TNFSF4: variants seen among roughly 807,000 people sequenced by gnomAD.
TNFSF4 encodes the protein tumor necrosis factor ligand superfamily member 4.
A neutral mutation model predicts 7.3 loss-of-function variants in TNFSF4; 4 were observed. That is an observed-to-expected ratio of 0.55 (90% confidence interval 0.27 to 1.25). The LOEUF (loss-of-function observed/expected upper bound fraction) is 1.25, where lower values mean the gene tolerates loss of function less well. Among genes scored for constraint, TNFSF4 ranks in the 50% most tolerant of loss-of-function variants. The pLI, the probability that TNFSF4 is intolerant of heterozygous loss-of-function variation, is 0.12. For synonymous variants in TNFSF4, 76 were observed against 83.7 expected (o/e 0.91, Z 0.50); for missense variants, 181 against 208.8 (o/e 0.87, Z 0.82).
chr1:173,326,902 T>C, the TNFSF4 span, among the ~76,000 whole-genome samples: 3,287 of 152,294 alleles, frequency 0.022, 57 homozygotes, highest in South Asian at 0.055. Context: ...TCCATACTCA[T>C]GGGTAGGAAG....
chr1:173,321,943 A>G, the TNFSF4 span, among the ~76,000 whole-genome samples: 1 of 152,230 alleles, frequency 6.6e-6, no homozygotes, highest in Admixed American at 6.5e-5. Context: ...ATACCATTTG[A>G]CCCAACAATC....
At chr1:173,380,450 C>T in the TNFSF4 span, among the ~76,000 whole-genome samples, 8 of 152,222 alleles carry the variant, frequency 5.3e-5, no homozygotes, top group Admixed American at 2.6e-4. Context: ...AACTTCAAGC[C>T]CCAGCTGATC....
At chr1:173,176,205 T>C in the TNFSF4 span, among the ~76,000 whole-genome samples, 2 of 152,118 alleles carry the variant, frequency 1.3e-5, no homozygotes, top group African/African-American at 4.8e-5. Context: ...ACTAACTACC[T>C]TCAGAAAACA....
At chr1:173,399,561 A>C in the TNFSF4 span, among the ~76,000 whole-genome samples, 2 of 152,184 alleles carry the variant, frequency 1.3e-5, no homozygotes, top group Non-Finnish European at 2.9e-5. Flanking sequence ...AAAATTGATG[A>C]CAAAGAAATT....
chr1:173,197,741 A>T (rs1242421454), intron 1 of TNFSF4, among the ~76,000 whole-genome samples: 1 of 152,208 alleles, frequency 6.6e-6, no homozygotes, highest in Non-Finnish European at 1.5e-5. Context: ...CTTAACACCT[A>T]GGTGATGGTT....
At chr1:173,200,920 G>C (rs1571200311) in intron 1 of TNFSF4, among the ~76,000 whole-genome samples, 1 of 152,330 alleles carries the variant, frequency 6.6e-6, no homozygotes, top group East Asian at 1.9e-4. Context: ...TTCTTAAATA[G>C]CATTTGCATG....
the TNFSF4 span, among the ~76,000 whole-genome samples, chr1:173,248,409 A>AGG: frequency 2.7e-5 from 4 of 150,726 alleles, no homozygotes; most frequent in African/African-American, 7.3e-5. Context: ...GAAGGAAGGA[A>AGG]AGAAAGAAGG....
the TNFSF4 span, among the ~76,000 whole-genome samples, chr1:173,176,827 C>T: frequency 3.2e-4 from 49 of 152,086 alleles, no homozygotes; most frequent in African/African-American, 4.1e-4. Flanking sequence ...TGCAGCAACA[C>T]GGATGGAACT....
the TNFSF4 span, among the ~76,000 whole-genome samples, chr1:173,284,552 A>G: frequency 2.0e-5 from 3 of 152,222 alleles, no homozygotes. Flanking sequence ...TCATAGCCAG[A>G]GAGGAGAAGT....
the TNFSF4 span, among the ~76,000 whole-genome samples, chr1:173,424,566 G>A: frequency 6.6e-6 from 1 of 152,326 alleles, no homozygotes; most frequent in Admixed American, 6.5e-5. Flanking sequence ...TGCTGTTGAT[G>A]CTGGATTTTC....
the TNFSF4 span, among the ~76,000 whole-genome samples, chr1:173,258,769 C>T: frequency 2.6e-5 from 4 of 152,100 alleles, no homozygotes; most frequent in South Asian, 4.1e-4. Flanking sequence ...GACCCAGATC[C>T]GTCCCTCCTC....
At chr1:173,339,186 G>A in the TNFSF4 span, among the ~76,000 whole-genome samples, 15 of 151,984 alleles carry the variant, frequency 9.9e-5, no homozygotes, top group East Asian at 5.8e-4. Flanking sequence ...TGAGACCAGC[G>A]TGGGCAACAT....
chr1:173,314,483 T>C, the TNFSF4 span, among the ~76,000 whole-genome samples: 4 of 152,142 alleles, frequency 2.6e-5, no homozygotes, highest in Admixed American at 2.6e-4. Flanking sequence ...CTCCATTTGA[T>C]GATGTCCAAC....
the TNFSF4 span, among the ~76,000 whole-genome samples, chr1:173,218,593 C>T: frequency 9.5e-6 from 1 of 105,564 alleles, no homozygotes; most frequent in Admixed American, 1.0e-4. Flanking sequence ...AACAAAATTC[C>T]CCTAAAATTT....
the TNFSF4 span, among the ~76,000 whole-genome samples, chr1:173,241,269 A>T: frequency 1.3e-5 from 2 of 152,326 alleles, no homozygotes; most frequent in South Asian, 4.1e-4. Flanking sequence ...CTGCCTGTTA[A>T]ACCAATTTCC....
At chr1:173,355,695 A>C in the TNFSF4 span, among the ~76,000 whole-genome samples, 1 of 152,258 alleles carries the variant, frequency 6.6e-6, no homozygotes, top group Non-Finnish European at 1.5e-5. Flanking sequence ...AGTTAGAAGA[A>C]GCCAGAAATA....
At chr1:173,259,803 T>C in the TNFSF4 span, among the ~76,000 whole-genome samples, 2 of 151,852 alleles carry the variant, frequency 1.3e-5, no homozygotes, top group Admixed American at 1.3e-4. Flanking sequence ...GAAAAAAGAA[T>C]GAAAAGGAAT....
At chr1:173,190,074 G>A (rs1202241870) in intron 1 of TNFSF4, among the ~76,000 whole-genome samples, 1 of 151,408 alleles carries the variant, frequency 6.6e-6, no homozygotes, top group African/African-American at 2.4e-5. Context: ...AAATTATCCA[G>A]GCATGGTGGC....
the TNFSF4 span, among the ~76,000 whole-genome samples, chr1:173,339,127 C>G: frequency 2.6e-5 from 4 of 152,182 alleles, no homozygotes; most frequent in Non-Finnish European, 5.9e-5. Context: ...TGCAGTGGCT[C>G]ACGCTTGTAA....
Sources: allele counts gnomAD v4.1 joint callset (sites outside exome capture counted in the v4.1 genomes callset), GRCh38; gene constraint gnomAD v4.1.1; transcripts MANE v1.5; gene names NCBI Gene and HGNC (gene_info 2026-07-23, HGNC 2026-07-21).